MTFR1: variants seen among roughly 807,000 people sequenced by gnomAD.
The protein encoded by MTFR1 is chondrocyte protein with a poly-proline region.
A neutral mutation model predicts 38.8 loss-of-function variants in MTFR1; 28 were observed. The ratio of observed to expected loss-of-function variants is 0.72; its 90% CI spans 0.53 to 0.99. The LOEUF is 0.99. Among genes scored for constraint, MTFR1 ranks in the 50% least tolerant of loss-of-function variants. The pLI, the probability that MTFR1 is intolerant of heterozygous loss-of-function variation, is 0.00. For synonymous variants in MTFR1, 145 were observed against 137.0 expected (o/e 1.06, Z -0.41); for missense variants, 358 against 395.5 (o/e 0.91, Z 0.81).
intron 3 of MTFR1, among the ~76,000 whole-genome samples, chr8:65,743,776 A>G (rs985131772): frequency 6.6e-6 from 1 of 152,214 alleles, no homozygotes; most frequent in Non-Finnish European, 1.5e-5. Flanking sequence ...TCATTATTCT[A>G]AAGTCAGCAC....
At chr8:65,772,847 T>C (rs943362034), downstream of MTFR1, among the ~76,000 whole-genome samples, 1 of 151,354 alleles carries the variant, frequency 6.6e-6, no homozygotes, top group African/African-American at 2.4e-5. Context: ...TTAATAAAAA[T>C]ACAAAAAAAA....
chr8:65,657,413 A>G (rs1379969054), intron 1 of MTFR1, among the ~76,000 whole-genome samples: 1 of 152,134 alleles, frequency 6.6e-6, no homozygotes. Context: ...CAGGGTTCAA[A>G]CTAAATCACT....
At chr8:65,737,296 G>A (rs1807180908) in intron 3 of MTFR1, among the ~76,000 whole-genome samples, 2 of 151,982 alleles carry the variant, frequency 1.3e-5, no homozygotes, top group African/African-American at 4.8e-5. Context: ...AGCGGCAACA[G>A]GATGAAGGGA....
intron 3 of MTFR1, among the ~76,000 whole-genome samples, chr8:65,751,865 AT>A (rs1034223423): frequency 2.6e-5 from 4 of 152,298 alleles, no homozygotes; most frequent in African/African-American, 9.6e-5. Context: ...ATGGTAGCAT[AT>A]TTTACAACCT....
At chr8:65,683,132 C>CTTTTTTTTTTTTTTTTTTTTTTTTTTT (rs748824241) in intron 3 of MTFR1, among the ~76,000 whole-genome samples, 1 of 121,686 alleles carries the variant, frequency 8.2e-6, no homozygotes. Context: ...TTCTTTCTTT[C>CTTTTTTTTTTTTTTTTTTTTTTTTTTT]TTTTTTTTTT....
intron 3 of MTFR1, among the ~76,000 whole-genome samples, chr8:65,766,526 AG>A (rs1808793184): frequency 6.6e-6 from 1 of 152,238 alleles, no homozygotes; most frequent in Non-Finnish European, 1.5e-5. Flanking sequence ...AATGATGCTT[AG>A]GAGCAAGGGA....
At chr8:65,751,053 CAAATT>C (rs1268240986) in intron 3 of MTFR1, among the ~76,000 whole-genome samples, 1 of 152,078 alleles carries the variant, frequency 6.6e-6, no homozygotes, top group African/African-American at 2.4e-5. Flanking sequence ...ATGTCACAGA[CAAATT>C]AAGAAAGGAC....
intron 3 of MTFR1, chr8:65,747,536 T>C: frequency 1.8e-6 from 1 of 562,628 alleles, no homozygotes; most frequent in Non-Finnish European, 2.9e-6. Context: ...GAAAATAGGC[T>C]CAACTGCTTT....
At chr8:65,726,698 C>T (rs1342804880) in intron 3 of MTFR1, among the ~76,000 whole-genome samples, 6 of 151,940 alleles carry the variant, frequency 3.9e-5, no homozygotes, top group African/African-American at 7.3e-5. Flanking sequence ...AAAATGTTAC[C>T]GACTATATAG....
downstream of MTFR1, among the ~76,000 whole-genome samples, chr8:65,775,603 A>G (rs1358552357): frequency 6.6e-6 from 1 of 152,178 alleles, no homozygotes; most frequent in Non-Finnish European, 1.5e-5. Context: ...CAGTGATCCT[A>G]CGTCCTCTGT....
intron 3 of MTFR1, among the ~76,000 whole-genome samples, chr8:65,768,590 T>G (rs1808918169): frequency 6.6e-6 from 1 of 152,208 alleles, no homozygotes; most frequent in Non-Finnish European, 1.5e-5. Context: ...AATCTTGGAA[T>G]GTCTTTATCA....
chr8:65,727,086 T>C (rs990535659), intron 3 of MTFR1: 22 of 1,034,182 alleles, frequency 2.1e-5, no homozygotes, highest in African/African-American at 3.2e-5. Context: ...TGAGAATTTA[T>C]TTTCATTACT....
intron 3 of MTFR1, 76 bp from the exon 4 acceptor site, chr8:65,693,568 C>G: frequency 8.4e-7 from 1 of 1,194,652 alleles, no homozygotes; most frequent in Non-Finnish European, 1.2e-6. Flanking sequence ...TGACGATTTT[C>G]CTTTAGGTGA....
chr8:65,673,633 G>A (rs1464314594), intron 2 of MTFR1, among the ~76,000 whole-genome samples: 2 of 151,564 alleles, frequency 1.3e-5, no homozygotes, highest in African/African-American at 4.9e-5. Context: ...GCCAGGCATC[G>A]TGGCTCACAC....
chr8:65,662,913 G>A (rs1296516182), intron 1 of MTFR1, among the ~76,000 whole-genome samples: 1 of 149,956 alleles, frequency 6.7e-6, no homozygotes, highest in African/African-American at 2.5e-5. Flanking sequence ...AGGTGGGGGG[G>A]TCAGCCCCCC....
At chr8:65,756,472 T>A (rs1440941808) in intron 3 of MTFR1, among the ~76,000 whole-genome samples, 1 of 152,170 alleles carries the variant, frequency 6.6e-6, no homozygotes, top group Non-Finnish European at 1.5e-5. Flanking sequence ...ATGGACAGTT[T>A]GAATTATCTT....
At chr8:65,744,866 G>A (rs1186687462) in intron 3 of MTFR1, among the ~76,000 whole-genome samples, 1 of 152,188 alleles carries the variant, frequency 6.6e-6, no homozygotes, top group Admixed American at 6.5e-5. Context: ...ATAAAATTAT[G>A]AGATTGATTC....
intron 1 of MTFR1, among the ~76,000 whole-genome samples, chr8:65,660,932 C>T (rs1470775878): frequency 6.6e-6 from 1 of 152,150 alleles, no homozygotes; most frequent in Non-Finnish European, 1.5e-5. Context: ...CATGGAGGAA[C>T]CTTAAATGCA....
chr8:65,724,116 G>A, intron 3 of MTFR1: 1 of 571,444 alleles, frequency 1.7e-6, no homozygotes, highest in East Asian at 3.0e-5. Context: ...TTGATTAGAT[G>A]TATATCTATT....
Sources: gnomAD v4.1 joint callset for allele counts (sites outside exome capture counted in the v4.1 genomes callset) on GRCh38, gnomAD v4.1.1 for gene constraint, MANE v1.5 for transcripts, NCBI Gene and HGNC (gene_info 2026-07-23, HGNC 2026-07-21) for gene names.